Variants in UROC1 observed in about 807,000 individuals in gnomAD.
The protein encoded by UROC1 is urocanate hydratase.
A neutral mutation model predicts 89.5 loss-of-function variants in UROC1; 79 were observed. The observed-to-expected ratio is 0.88, with a 90% CI of 0.74 to 1.06. The LOEUF (loss-of-function observed/expected upper bound fraction) is 1.06. UROC1 is among the 50% of genes least tolerant of loss of function. The pLI, the probability that UROC1 is intolerant of heterozygous loss-of-function variation, is 0.00. For missense variants in UROC1, 885 were observed against 907.8 expected, an observed-to-expected ratio of 0.97 and a Z score of 0.32; for synonymous variants, 361 against 354.8, an observed-to-expected ratio of 1.02 and a Z score of -0.20.
chr3:126,511,166 C>T (rs554876827), intron 1 of UROC1, among the ~76,000 whole-genome samples: 4 of 152,274 alleles, frequency 2.6e-5, no homozygotes, highest in South Asian at 4.1e-4. Context: ...GTAGACCCCA[C>T]ATGGCCTTAA....
rs750711676 is a variant in UROC1 at position 126,505,716 on chromosome 3, G to A, written c.798C>T (p.Ile266=). 5.0e-5 allele frequency: 80 copies of A among 1,613,652 alleles called. No homozygotes were observed. The highest frequency in any genetic ancestry group is 1.3e-4 in the Admixed American group (8 of 60,004). ...CCCAGCTTACCTCTGCTATCACACC[G>A]ATGCACCCCACGATGACTGCGGCCT... The part of the protein sequence containing the change: ...QAKAAVIVGC[I]GVIAEVDKAA... Residue 266 remains isoleucine (I), a synonymous_variant, in exon 8 of 20, where the codon ATC becomes ATT. Transcript: ENST00000290868.
chr3:126,500,053 C>G lies in UROC1; in HGVS notation c.1243+4G>C. The G allele has an allele frequency of 6.2e-7, 1 of 1,612,636 alleles. No individual in the cohort carries two copies. Among genetic ancestry groups the G allele is most frequent in the East Asian group, 2.2e-5 (1 of 44,858 alleles). ...CCCTCCTCCTCCCTCCTCCTTCCTC[C>G]TACCTGCTCTCTGGGCCTCCAAGAG... On this transcript the variant is annotated splice_donor_region_variant and intron_variant, in intron 12 of 19. Coordinates refer to ENST00000290868, the MANE Select transcript of UROC1 (RefSeq NM_144639.3).
chr3:126,483,227 C>T, intron 19 of UROC1, 142 bp downstream of exon 19: 1 of 761,466 alleles, frequency 1.3e-6, no homozygotes, highest in Non-Finnish European at 2.3e-6. Context: ...ATTCCCCCTT[C>T]CTGGCTGCTG....
chr3:126,497,477 G>T (rs1270251963), intron 14 of UROC1, among the ~76,000 whole-genome samples: 1 of 152,246 alleles, frequency 6.6e-6, no homozygotes, highest in African/African-American at 2.4e-5. Context: ...GAACATGGGG[G>T]ACCCTGATGC....
intron 9 of UROC1, 92 bp downstream of exon 9, chr3:126,503,903 C>A: frequency 7.0e-7 from 1 of 1,429,372 alleles, no homozygotes; most frequent in Non-Finnish European, 9.8e-7. Context: ...ATTAAACAGG[C>A]CCACACCAAG....
intron 8 of UROC1, 64 bp downstream of exon 8, chr3:126,505,637 A>G (rs1576726260): frequency 3.3e-6 from 5 of 1,508,358 alleles, no homozygotes; most frequent in Non-Finnish European, 2.7e-6. Context: ...CGGGAGGAAG[A>G]AGGGAGGGAG....
At position 126,500,875 on chromosome 3, in the gene UROC1, C is replaced by A. The variant is rs747566185; in HGVS notation, c.966-1G>T. On this transcript the variant is annotated splice_acceptor_variant, in intron 10 of 19. Transcript: ENST00000290868. LOFTEE classifies it high-confidence loss of function. ...GTCCAATTCGTGGACCAGGCGCTCC[C>A]TGGGGAAGCCATGCGGTGGTCAGTG... The A allele has an allele frequency of 3.1e-6, 5 of 1,613,478 alleles. No homozygotes were observed. Among genetic ancestry groups the A allele is most frequent in the Non-Finnish European group, 4.2e-6 (5 of 1,180,008 alleles).
At chr3:126,505,119 C>G (rs2107546280) in intron 8 of UROC1, among the ~76,000 whole-genome samples, 1 of 152,342 alleles carries the variant, frequency 6.6e-6, no homozygotes, top group Non-Finnish European at 1.5e-5. Flanking sequence ...TGAGTGGAAG[C>G]TTTCTGAGAC....
chr3:126,487,084 T>C (rs1171126394), intron 18 of UROC1, among the ~76,000 whole-genome samples: 1 of 152,206 alleles, frequency 6.6e-6, no homozygotes, highest in Non-Finnish European at 1.5e-5. Context: ...TGGGGAGGCC[T>C]GCCCTCAGGG....
rs947747837 is a variant in UROC1 at position 126,481,656 on chromosome 3, T to C, written c.*689A>G. The C allele has an allele frequency of 2.0e-5, 3 of 152,168 alleles. No homozygotes were observed. The highest frequency in any genetic ancestry group is 4.4e-5 in the Non-Finnish European group (3 of 68,074). 9.4% of individuals were successfully genotyped at this position (152,168 alleles called of 1,614,324 possible). ...TCTCACGAGGCTCTGGACCCAGTCATTACCGGGCTATGGGATTGGGGAAGG... is the reference window on the plus strand; with the variant it reads ...TCTCACGAGGCTCTGGACCCAGTCACTACCGGGCTATGGGATTGGGGAAGG... On this transcript the variant is annotated 3_prime_UTR_variant, in exon 20 of 20. Transcript: ENST00000290868.
intron 16 of UROC1, among the ~76,000 whole-genome samples, chr3:126,491,692 G>C (rs80257717): frequency 0.036 from 5,557 of 152,338 alleles, 107 homozygotes; most frequent in Middle Eastern, 0.061. Flanking sequence ...GGCAGGAGGA[G>C]CCAGAGCCCC....
Position 126,499,339 on chromosome 3 carries a change from C to A in UROC1, c.1314G>T (p.Met438Ile). The change falls in exon 13 of 20, where the codon ATG becomes ATT. Residue 438 changes from methionine to isoleucine, a missense_variant and splice_region_variant. Coordinates refer to ENST00000290868, the MANE Select transcript of UROC1 (RefSeq NM_144639.3). ...FRYPSYVQHI[M>I]GDIFSQGFGP... ...TGTGGCAGCCGCCCATCACTCACCC[C>A]ATGATGTGCTGCACATAGGAAGGGT... 1 of 1,611,292 alleles carries A rather than the reference C, an allele frequency of 6.2e-7. No individual in the cohort carries two copies. The highest frequency in any genetic ancestry group is 2.2e-5 in the East Asian group (1 of 44,786).
chr3:126,515,005 G>A (rs764517595), intron 1 of UROC1, among the ~76,000 whole-genome samples: 5 of 151,992 alleles, frequency 3.3e-5, no homozygotes, highest in Non-Finnish European at 7.4e-5. Context: ...CAGGACTCAG[G>A]GAGCCGCCCG....
chr3:126,487,248 C>A (rs1935540220), intron 18 of UROC1, among the ~76,000 whole-genome samples: 1 of 152,174 alleles, frequency 6.6e-6, no homozygotes, highest in Non-Finnish European at 1.5e-5. Flanking sequence ...TGGCCCTGGG[C>A]AAACTGCTCA....
rs1262786966 is a variant in UROC1 at position 126,481,913 on chromosome 3, GC to G, written c.*431del. The G allele has an allele frequency of 4.0e-6, 1 of 248,838 alleles. No homozygotes were observed. Among genetic ancestry groups the G allele is most frequent in the South Asian group, 5.1e-5 (1 of 19,654 alleles). 15.4% of individuals were successfully genotyped at this position (248,838 alleles called of 1,614,324 possible). On this transcript the variant is annotated 3_prime_UTR_variant, in exon 20 of 20. Transcript: ENST00000290868. ...CTTCCCGAACTCCTCCAGGCCAGCA[GC>G]CCAGGGTGCCAGGGTCCAGAAGTTG...
chr3:126,506,185 C>T (rs1311430614), intron 6 of UROC1, among the ~76,000 whole-genome samples, 174 bp from the exon 7 acceptor site: 1 of 152,232 alleles, frequency 6.6e-6, no homozygotes, highest in Admixed American at 6.5e-5. Flanking sequence ...GCTATGGACA[C>T]CCTTGTCCCC....
intron 15 of UROC1, among the ~76,000 whole-genome samples, chr3:126,495,546 T>A (rs1243501486): frequency 6.6e-6 from 1 of 152,218 alleles, no homozygotes; most frequent in Non-Finnish European, 1.5e-5. Context: ...TATCCATTCG[T>A]CCATCAGGGA....
At chr3:126,498,673 G>A (rs1042542127) in intron 13 of UROC1, among the ~76,000 whole-genome samples, 5 of 152,058 alleles carry the variant, frequency 3.3e-5, no homozygotes, top group South Asian at 2.1e-4. Flanking sequence ...CTCCCTCTCC[G>A]GAGAGTGCCA....
At chr3:126,486,597 C>G (rs893074739) in intron 18 of UROC1, among the ~76,000 whole-genome samples, 1 of 152,234 alleles carries the variant, frequency 6.6e-6, no homozygotes, top group African/African-American at 2.4e-5. Context: ...AAACAACACA[C>G]AGCTGTCACT....
Sources: gnomAD v4.1 joint callset for allele counts (sites outside exome capture counted in the v4.1 genomes callset) on GRCh38, gnomAD v4.1.1 for gene constraint, MANE v1.5 for transcripts, NCBI Gene and HGNC (gene_info 2026-07-23, HGNC 2026-07-21) for gene names.